Variants in RPF2 observed in about 807,000 individuals in gnomAD.
The protein encoded by RPF2 is brix domain containing 1.
RPF2 carries 21 observed loss-of-function variants against 38.9 expected under a neutral mutation model. The ratio of observed to expected loss-of-function variants is 0.54; its 90% CI spans 0.38 to 0.78. The LOEUF (loss-of-function observed/expected upper bound fraction) is 0.78, where lower values mean the gene tolerates loss of function less well. RPF2 is among the 30% of genes least tolerant of loss of function. The pLI is 0.00. For synonymous variants in RPF2, 121 were observed against 126.2 expected, an observed-to-expected ratio of 0.96 and a Z score of 0.28; for missense variants, 314 against 358.1, an observed-to-expected ratio of 0.88 and a Z score of 0.99.
chr6:111,002,152 C>T (rs1050145899), intron 6 of RPF2, among the ~76,000 whole-genome samples: 2 of 152,066 alleles, frequency 1.3e-5, no homozygotes, highest in African/African-American at 4.8e-5. Flanking sequence ...TGGTGGTGCA[C>T]GCCTGTAATC....
In RPF2 at chr6:110,982,044, G is replaced by A. The variant is rs773914843; in HGVS notation, c.-63G>A. The A allele has an allele frequency of 1.3e-5, 21 of 1,598,036 alleles. No homozygotes were observed. The highest frequency in any genetic ancestry group is 1.7e-5 in the Admixed American group (1 of 59,964). ...GCAGCTTCCGGTTCCGCCTGTTCCG[G>A]CGCACGTAATCGCCGAGGGCACGTG... is the stretch of plus-strand genomic sequence containing the variant. On this transcript the variant is annotated 5_prime_UTR_variant, in exon 1 of 10. Coordinates refer to ENST00000441448, the MANE Select transcript of RPF2 (RefSeq NM_032194.3).
rs373645723 is a variant in RPF2, at chr6:111,019,066, T to G, written c.596+3210T>G. On this transcript the variant is annotated intron_variant, in intron 8 of 9. Coordinates refer to ENST00000441448, the MANE Select transcript of RPF2 (RefSeq NM_032194.3). ...CCTGTCTCTACTAAAAATACAAAAATTAGCTGGACATGGTGGCACTGGCCT... is the reference window on the plus strand; with the variant it reads ...CCTGTCTCTACTAAAAATACAAAAAGTAGCTGGACATGGTGGCACTGGCCT... 2.0e-4 allele frequency among the ~76,000 whole-genome samples: 30 copies of G among 151,478 alleles called. No individual in the cohort carries two copies. The East Asian group carries it at 4.9e-3, about 25-fold the overall frequency.
chr6:111,007,972 C>T, intron 6 of RPF2, 66 bp from the exon 7 acceptor site: 5 of 1,406,816 alleles, frequency 3.6e-6, no homozygotes, highest in Non-Finnish European at 4.7e-6. Context: ...AAATAAAAAA[C>T]AAAATCAATA....
chr6:111,005,821 T>C (rs1227982729), intron 6 of RPF2, among the ~76,000 whole-genome samples: 2 of 151,966 alleles, frequency 1.3e-5, no homozygotes, highest in Non-Finnish European at 1.5e-5. Context: ...GGTTTGTTTG[T>C]TATTGTTTTC....
intron 4 of RPF2, among the ~76,000 whole-genome samples, chr6:110,992,171 G>A (rs971446149): frequency 2.6e-5 from 4 of 152,064 alleles, no homozygotes; most frequent in South Asian, 2.1e-4. Flanking sequence ...TTAGCCGGGC[G>A]TGATGGCACA....
chr6:111,024,433 G>A, intron 9 of RPF2, 106 bp downstream of exon 9: 1 of 1,143,898 alleles, frequency 8.7e-7, no homozygotes. Flanking sequence ...ACAAGGACAG[G>A]CCAGGCGCGG....
At chr6:111,010,789 A>G (rs1187064987) in intron 7 of RPF2, among the ~76,000 whole-genome samples, 2 of 152,174 alleles carry the variant, frequency 1.3e-5, no homozygotes, top group Non-Finnish European at 2.9e-5. Flanking sequence ...AACTGTGACA[A>G]ATACATTGCT....
At chr6:111,007,965 TA>T (rs1771943551) in intron 6 of RPF2, 72 bp from the exon 7 acceptor site, 1 of 1,394,510 alleles carries the variant, frequency 7.2e-7, no homozygotes, top group Admixed American at 2.6e-5. Context: ...TAAATAAAAA[TA>T]AAAAACAAAA....
At chr6:110,989,649 C>T (rs556543780) in intron 3 of RPF2, among the ~76,000 whole-genome samples, 10 of 137,560 alleles carry the variant, frequency 7.3e-5, no homozygotes, top group African/African-American at 2.7e-4. Flanking sequence ...TTTTTTGAGA[C>T]GGAGTCTAGC....
chr6:111,025,785 T>A lies in RPF2; in HGVS notation c.*203T>A. ...TGAGACATTACACCCTGGTGTGCCA[T>A]TTTCTCTTGTGATATCCCCTGCCCT... On this transcript the variant is annotated 3_prime_UTR_variant, in exon 10 of 10. Transcript: ENST00000441448. The A allele has an allele frequency of 2.7e-6, 1 of 370,092 alleles. No individual in the cohort carries two copies. 22.9% of individuals were successfully genotyped at this position (370,092 alleles called of 1,614,324 possible).
chr6:110,992,613 T>C (rs1771639587), intron 4 of RPF2, among the ~76,000 whole-genome samples: 2 of 152,320 alleles, frequency 1.3e-5, no homozygotes, highest in African/African-American at 4.8e-5. Context: ...ACCTGAATTA[T>C]TGCTAACAGA....
chr6:110,997,105 G>A (rs2114309257), intron 4 of RPF2, 78 bp from the exon 5 acceptor site: 1 of 920,326 alleles, frequency 1.1e-6, no homozygotes, highest in Non-Finnish European at 1.7e-6. Flanking sequence ...CTGGCCTGAA[G>A]GTAAGATTTT....
At chr6:111,021,272 A>G (rs572448921) in intron 8 of RPF2, among the ~76,000 whole-genome samples, 1 of 152,238 alleles carries the variant, frequency 6.6e-6, no homozygotes, top group Non-Finnish European at 1.5e-5. Flanking sequence ...CTAGCACGAC[A>G]TCTTTCATAA....
intron 6 of RPF2, among the ~76,000 whole-genome samples, chr6:111,004,933 A>T (rs1245977468): frequency 2.1e-5 from 3 of 146,092 alleles, no homozygotes; most frequent in East Asian, 2.0e-4. Flanking sequence ...ACAACTTCAA[A>T]TTTTTTTTTT....
Position 111,025,283 on chromosome 6 carries a change from G to A in RPF2, c.742-120G>A, listed in dbSNP as rs1343543535. Reference sequence around the variant, plus strand: ...AGAAAAGTGTATAGGGCTATATACTGTGTCACTGAAGGGGCAGGCACTAAT... The same window carrying A: ...AGAAAAGTGTATAGGGCTATATACTATGTCACTGAAGGGGCAGGCACTAAT... On this transcript the variant is annotated intron_variant, in intron 9 of 9. Transcript: ENST00000441448. 1.7e-5 allele frequency: 11 copies of A among 640,192 alleles called. No homozygotes were observed. The Admixed American group carries it at 1.7e-4, about 10-fold the overall frequency. 39.7% of individuals were successfully genotyped at this position (640,192 alleles called of 1,614,324 possible). A position where few individuals can be genotyped will look rare whatever the true frequency, so the allele number is the denominator to read the frequency against.
chr6:111,002,325 G>A (rs1246555371), intron 6 of RPF2, among the ~76,000 whole-genome samples: 1 of 152,118 alleles, frequency 6.6e-6, no homozygotes, highest in Non-Finnish European at 1.5e-5. Context: ...AACCATTATT[G>A]TTTGTCAGGT....
chr6:111,018,178 G>A (rs529683741), intron 8 of RPF2, among the ~76,000 whole-genome samples: 2 of 151,160 alleles, frequency 1.3e-5, no homozygotes, highest in African/African-American at 2.4e-5. Context: ...GTCCAGCTTC[G>A]GCTCGGCATC....
rs763813529 is a variant in RPF2, at chr6:110,998,675, G to A, written c.317-1036G>A. 3.3e-5 allele frequency among the ~76,000 whole-genome samples: 5 copies of A among 152,120 alleles called. No homozygotes were observed. In the East Asian group the frequency reaches 7.7e-4, roughly 23 times the overall value. On this transcript the variant is annotated intron_variant, in intron 5 of 9. Coordinates refer to ENST00000441448, the MANE Select transcript of RPF2 (RefSeq NM_032194.3). ...AGGCAGACACGCACAGGACAGGAGA[G>A]GCTGCCCACTCACCCGACCCCAACC... is the stretch of plus-strand genomic sequence containing the variant.
chr6:111,024,270 A>G lies in RPF2; in HGVS notation c.684A>G (p.Thr228=). Residue 228 remains threonine (T), a synonymous_variant, in exon 9 of 10, where the codon ACA becomes ACG. Transcript: ENST00000441448. ...CATTGGATCTGGTTCTGAGGAGGACACACCTGGCATCGGATGACCTTTATA... is the reference window on the plus strand; with the variant it reads ...CATTGGATCTGGTTCTGAGGAGGACGCACCTGGCATCGGATGACCTTTATA... ...GPSLDLVLRR[T]HLASDDLYKL... 3 of 1,612,194 alleles carry G rather than the reference A, an allele frequency of 1.9e-6. No individual in the cohort carries two copies. Among genetic ancestry groups the G allele is most frequent in the East Asian group, 2.2e-5 (1 of 44,872 alleles).
Sources: gnomAD v4.1 joint callset for allele counts (sites outside exome capture counted in the v4.1 genomes callset) on GRCh38, gnomAD v4.1.1 for gene constraint, MANE v1.5 for transcripts, NCBI Gene and HGNC (gene_info 2026-07-23, HGNC 2026-07-21) for gene names.